Variants in GPC3 observed in about 807,000 individuals in gnomAD.
The protein encoded by GPC3 is glypican-3.
GPC3 carries 3 observed loss-of-function variants against 34.4 expected under a neutral mutation model. The observed-to-expected ratio is 0.09, with a 90% CI of 0.04 to 0.23. The LOEUF is 0.23. Ranked by LOEUF, GPC3 falls within the 10% of genes least tolerant of loss-of-function variation. The pLI, the probability that GPC3 is intolerant of heterozygous loss-of-function variation, is 1.00. For synonymous variants in GPC3, 177 were observed against 174.0 expected, an observed-to-expected ratio of 1.02 and a Z score of -0.13; for missense variants, 351 against 445.6, an observed-to-expected ratio of 0.79 and a Z score of 1.91.
chrX:133,643,863 T>C (rs184637188), intron 6 of GPC3, among the ~76,000 whole-genome samples: 100 of 103,348 alleles, frequency 9.7e-4, no homozygotes, highest in African/African-American at 3.9e-3. Context: ...GGTTTTGCTC[T>C]TTCGCCCAGG....
intron 2 of GPC3, among the ~76,000 whole-genome samples, chrX:133,786,016 G>A (rs767827706): frequency 8.9e-6 from 1 of 111,792 alleles, no homozygotes; most frequent in Non-Finnish European, 1.9e-5. Context: ...ACTAATCACC[G>A]GGGACAAAAG....
At chrX:133,589,479 C>T (rs2124321916) in intron 7 of GPC3, among the ~76,000 whole-genome samples, 1 of 111,572 alleles carries the variant, frequency 9.0e-6, no homozygotes, top group East Asian at 2.8e-4. Flanking sequence ...CAGGTTCAAG[C>T]CATTCTCCTC....
At chrX:133,694,161 C>T (rs761497176) in intron 4 of GPC3, among the ~76,000 whole-genome samples, 1 of 110,910 alleles carries the variant, frequency 9.0e-6, no homozygotes, top group African/African-American at 3.3e-5. Flanking sequence ...AGGACAATTA[C>T]CATAAAACTC....
intron 3 of GPC3, among the ~76,000 whole-genome samples, chrX:133,700,810 C>T (rs111472219): frequency 0.048 from 5,344 of 110,802 alleles, 345 homozygotes; most frequent in African/African-American, 0.17. Context: ...TGGGAGGTCA[C>T]GGCTGCAGTG....
intron 2 of GPC3, among the ~76,000 whole-genome samples, chrX:133,856,167 A>G (rs910490933): frequency 2.7e-5 from 3 of 111,943 alleles, no homozygotes; most frequent in African/African-American, 9.7e-5. Flanking sequence ...TGGTAATTCT[A>G]TCTTCAGTTT....
At chrX:133,547,646 G>T (rs1024943856) in intron 7 of GPC3, among the ~76,000 whole-genome samples, 1 of 110,902 alleles carries the variant, frequency 9.0e-6, no homozygotes, top group African/African-American at 3.3e-5. Flanking sequence ...ATCTGAGGCT[G>T]CATTATTATT....
chrX:133,776,095 A>G (rs2071976344), intron 2 of GPC3, among the ~76,000 whole-genome samples: 1 of 111,773 alleles, frequency 8.9e-6, no homozygotes, highest in Non-Finnish European at 1.9e-5. Context: ...GTGACATATT[A>G]AACTTCTAGG....
chrX:133,968,937 A>G (rs1428334184), intron 1 of GPC3, among the ~76,000 whole-genome samples: 1 of 111,078 alleles, frequency 9.0e-6, no homozygotes, highest in Non-Finnish European at 1.9e-5. Flanking sequence ...GAAATATAAC[A>G]AGGCTATTAA....
At chrX:133,749,633 G>T (rs187842103) in intron 3 of GPC3, among the ~76,000 whole-genome samples, 86 of 111,686 alleles carry the variant, frequency 7.7e-4, no homozygotes, top group Admixed American at 6.3e-3. Context: ...GTCTCTGTGT[G>T]GCAGACCTCA....
At chrX:133,701,199 C>T (rs1391753853) in intron 3 of GPC3, among the ~76,000 whole-genome samples, 1 of 111,510 alleles carries the variant, frequency 9.0e-6, no homozygotes, top group Non-Finnish European at 1.9e-5. Context: ...AGATTTGCTA[C>T]TTTTTTCACT....
chrX:133,556,686 A>G (rs1162904274), intron 7 of GPC3, among the ~76,000 whole-genome samples: 1 of 101,440 alleles, frequency 9.9e-6, no homozygotes, highest in Admixed American at 1.1e-4. Context: ...GAGAGAAGGG[A>G]GAGTAATGTT....
At chrX:133,555,152 C>A (rs1464425135) in intron 7 of GPC3, among the ~76,000 whole-genome samples, 2 of 112,373 alleles carry the variant, frequency 1.8e-5, no homozygotes, top group Non-Finnish European at 3.8e-5. Flanking sequence ...TGTGCTCAAG[C>A]AATCCTCCCA....
At chrX:133,588,615 GACA>G (rs1242719359) in intron 7 of GPC3, among the ~76,000 whole-genome samples, 2 of 110,918 alleles carry the variant, frequency 1.8e-5, no homozygotes, top group African/African-American at 6.6e-5. Flanking sequence ...GGTTTGACTT[GACA>G]CTTTAGAAGA....
chrX:133,643,294 G>A (rs1346670089), intron 6 of GPC3, among the ~76,000 whole-genome samples: 1 of 111,418 alleles, frequency 9.0e-6, no homozygotes, highest in African/African-American at 3.3e-5. Flanking sequence ...CAGGCCACCA[G>A]ACCAAGTGAT....
At chrX:133,740,822 G>A (rs1378726557) in intron 3 of GPC3, among the ~76,000 whole-genome samples, 3 of 110,606 alleles carry the variant, frequency 2.7e-5, no homozygotes, top group African/African-American at 9.9e-5. Flanking sequence ...CTTTTTTAAA[G>A]TATTTTTTCA....
intron 7 of GPC3, among the ~76,000 whole-genome samples, chrX:133,593,477 G>A (rs780775829): frequency 5.0e-4 from 54 of 109,020 alleles, no homozygotes; most frequent in Admixed American, 1.1e-3. Flanking sequence ...GGGTGCTTAC[G>A]GGGGCTAGTG....
chrX:133,881,575 A>T (rs1340172807), intron 2 of GPC3, among the ~76,000 whole-genome samples: 1 of 112,484 alleles, frequency 8.9e-6, no homozygotes, highest in Admixed American at 9.4e-5. Flanking sequence ...CTTCATGTTG[A>T]TCATCATGTA....
chrX:133,829,755 T>C (rs982766359), intron 2 of GPC3, among the ~76,000 whole-genome samples: 3 of 111,815 alleles, frequency 2.7e-5, no homozygotes, highest in Admixed American at 9.5e-5. Context: ...GGGCTAGCTA[T>C]ATTAAAATCA....
chrX:133,954,738 CTTTTTT>C (rs1166218378), intron 1 of GPC3, among the ~76,000 whole-genome samples: 6 of 53,786 alleles, frequency 1.1e-4, no homozygotes, highest in African/African-American at 3.8e-4. Context: ...CAAACTTTCT[CTTTTTT>C]TTTTTTTTTT....
Sources: allele counts gnomAD v4.1 joint callset (sites outside exome capture counted in the v4.1 genomes callset), GRCh38; gene constraint gnomAD v4.1.1; transcripts MANE v1.5; gene names NCBI Gene and HGNC (gene_info 2026-07-23, HGNC 2026-07-21).